The following PFKFB3 variants were observed in gnomAD, a reference collection of about 807,000 sequenced individuals.
The protein encoded by PFKFB3 is 6-phosphofructo-2-kinase/fructose-2,6-biphosphatase 3.
Under a neutral mutation model 68.0 loss-of-function variants are expected in PFKFB3, and 33 were observed. That is an observed-to-expected ratio of 0.49 (90% CI 0.37 to 0.65). PFKFB3 has a LOEUF of 0.65. Ranked by LOEUF, PFKFB3 falls within the 30% of genes least tolerant of loss-of-function variation. The pLI, the probability that PFKFB3 is intolerant of heterozygous loss-of-function variation, is 0.00. For missense variants in PFKFB3, 586 were observed against 712.2 expected (o/e 0.82, Z 2.02); for synonymous variants, 315 against 288.2 (o/e 1.09, Z -0.94).
chr10:6,296,635 C>A, the PFKFB3 span, among the ~76,000 whole-genome samples: 1 of 152,136 alleles, frequency 6.6e-6, no homozygotes, highest in Non-Finnish European at 1.5e-5. Flanking sequence ...AGGGTTCCTC[C>A]CCTTTTTAGA....
rs143989781 is a variant in PFKFB3 at position 6,226,310 on chromosome 10, C to T, written c.1460C>T (p.Ser487Leu). 28 of 1,614,026 alleles carry T rather than the reference C, an allele frequency of 1.7e-5. No individual in the cohort carries two copies. Among genetic ancestry groups the T allele is most frequent in the Middle Eastern group, 1.6e-4 (1 of 6,084 alleles). Residue 487 changes from serine to leucine, a missense_variant, in exon 14 of 15, where the codon TCG becomes TTG. By Grantham distance (145) the Ser-to-Leu change is moderately radical. Transcript: ENST00000379775. ...NSFEEHVAST[S>L]AALPSCLPPE... is the part of the protein sequence containing the mutation. ...TTTGAGGAGCATGTGGCCTCCACCT[C>T]GGCCGCCCTGCCCAGCTGCCTGCCC...
At chr10:6,191,584 C>A (rs1320855720) in intron 1 of PFKFB3, among the ~76,000 whole-genome samples, 2 of 152,298 alleles carry the variant, frequency 1.3e-5, no homozygotes, top group African/African-American at 4.8e-5. Flanking sequence ...CGGGCCCCCC[C>A]TAGAATCACA....
chr10:6,275,584 T>TCC, the PFKFB3 span, among the ~76,000 whole-genome samples: 1 of 152,310 alleles, frequency 6.6e-6, no homozygotes, highest in Middle Eastern at 3.4e-3. This position sits in a 1 kb window ranked among gnomAD's most constrained non-coding sequence, Gnocchi z 4.9. Flanking sequence ...CCACACGCGT[T>TCC]CTTATTGTGC....
At chr10:6,159,419 C>A (rs1841906455) in intron 1 of PFKFB3, among the ~76,000 whole-genome samples, 1 of 151,574 alleles carries the variant, frequency 6.6e-6, no homozygotes, top group Admixed American at 6.6e-5. Flanking sequence ...AAAAAAAGCA[C>A]CAGGCATGGT....
chr10:6,231,389 G>A (rs770981930), intron 14 of PFKFB3: 7 of 1,602,916 alleles, frequency 4.4e-6, no homozygotes, highest in Non-Finnish European at 6.0e-6. Flanking sequence ...ACTGGCCATC[G>A]TGCAATGCGG....
intron 1 of PFKFB3, among the ~76,000 whole-genome samples, chr10:6,188,651 C>T (rs1842935593): frequency 6.6e-6 from 1 of 151,622 alleles, no homozygotes; most frequent in African/African-American, 2.4e-5. Context: ...CCTAATTTCC[C>T]CCACCGCCTG....
chr10:6,309,933 A>G, the PFKFB3 span, among the ~76,000 whole-genome samples: 1 of 152,214 alleles, frequency 6.6e-6, no homozygotes, highest in Non-Finnish European at 1.5e-5. Flanking sequence ...CAGGAAATGA[A>G]TTACTTTATA....
At chr10:6,302,998 G>A in the PFKFB3 span, among the ~76,000 whole-genome samples, 8 of 152,154 alleles carry the variant, frequency 5.3e-5, no homozygotes, top group Non-Finnish European at 7.3e-5. Context: ...ACACAGGAGC[G>A]GAGCAGAGAT....
chr10:6,169,378 A>AG (rs1197813132), intron 1 of PFKFB3, among the ~76,000 whole-genome samples: 1 of 152,132 alleles, frequency 6.6e-6, no homozygotes, highest in Non-Finnish European at 1.5e-5. Context: ...TGAGCAGGGT[A>AG]GGGGGTCTTA....
chr10:6,285,711 C>T, the PFKFB3 span, among the ~76,000 whole-genome samples: 39 of 152,110 alleles, frequency 2.6e-4, no homozygotes, highest in Non-Finnish European at 1.9e-4. Flanking sequence ...TAATGACTCC[C>T]TATTTCCCCT....
At chr10:6,173,166 A>C (rs1842362765) in intron 1 of PFKFB3, among the ~76,000 whole-genome samples, 1 of 152,116 alleles carries the variant, frequency 6.6e-6, no homozygotes, top group South Asian at 2.1e-4. Flanking sequence ...TCCTCCAGGA[A>C]GCCCTCCCTG....
At chr10:6,254,892 A>T (rs1253651223), downstream of PFKFB3, among the ~76,000 whole-genome samples, 2 of 126,768 alleles carry the variant, frequency 1.6e-5, no homozygotes, top group East Asian at 4.8e-4. Context: ...ATCTTGGCTC[A>T]TTGCAGCCTC....
At chr10:6,204,756 C>G (rs977123774) in intron 1 of PFKFB3, among the ~76,000 whole-genome samples, 31 of 152,256 alleles carry the variant, frequency 2.0e-4, no homozygotes, top group Non-Finnish European at 4.0e-4. Context: ...CTTAAATCCC[C>G]AGGGAGGTTT....
intron 14 of PFKFB3, among the ~76,000 whole-genome samples, chr10:6,251,187 A>G (rs1846373667): frequency 6.6e-6 from 1 of 152,226 alleles, no homozygotes; most frequent in East Asian, 1.9e-4. Flanking sequence ...TTCAGAAGGC[A>G]AGGATGGGGT....
the PFKFB3 span, among the ~76,000 whole-genome samples, chr10:6,261,240 C>T: frequency 6.6e-6 from 1 of 152,180 alleles, no homozygotes; most frequent in Non-Finnish European, 1.5e-5. Context: ...GAATTTTCTG[C>T]CCTTATTTGT....
intron 14 of PFKFB3, among the ~76,000 whole-genome samples, chr10:6,242,594 T>G (rs1282093541): frequency 1.9e-5 from 1 of 53,274 alleles, no homozygotes; most frequent in African/African-American, 6.9e-5. Flanking sequence ...CTGTAAACAT[T>G]TTTTTTTTTT....
rs1845623663 is a variant in PFKFB3, at chr10:6,229,901, G to A, written c.1516-2994G>A. On this transcript the variant is annotated intron_variant, in intron 14 of 14. Transcript: ENST00000379775. The surrounding 1 kb of genome is among the most constrained non-coding windows in gnomAD (Gnocchi z 4.3). ...AACGCACAGCCTAGATCCCTCGTGT[G>A]TGCTCCTCCGAGTCAGGTGGTAATG... Among the ~76,000 whole-genome samples, 2 of 152,092 alleles carry A rather than the reference G, an allele frequency of 1.3e-5. No homozygotes were observed. Among genetic ancestry groups the A allele is most frequent in the South Asian group, 2.1e-4 (1 of 4,828 alleles).
At chr10:6,150,147 C>G (rs1306657612) in intron 1 of PFKFB3, among the ~76,000 whole-genome samples, 1 of 152,190 alleles carries the variant, frequency 6.6e-6, no homozygotes, top group Non-Finnish European at 1.5e-5. Flanking sequence ...TGTCCCATAA[C>G]CAGACCGGAA....
chr10:6,207,110 G>T (rs539359608), intron 1 of PFKFB3, among the ~76,000 whole-genome samples: 1 of 151,986 alleles, frequency 6.6e-6, no homozygotes, highest in Non-Finnish European at 1.5e-5. Context: ...AAGTTGTAGC[G>T]AGCCGAGATC....
Sources: allele counts gnomAD v4.1 joint callset (sites outside exome capture counted in the v4.1 genomes callset), GRCh38; gene constraint gnomAD v4.1.1; non-coding constraint Gnocchi (gnomAD v3.1); transcripts MANE v1.5; gene names NCBI Gene and HGNC (gene_info 2026-07-23, HGNC 2026-07-21).